CPEB1: variants seen among roughly 807,000 people sequenced by gnomAD.
The protein encoded by CPEB1 is cytoplasmic polyadenylation element-binding protein 1.
In CPEB1, 7 loss-of-function variants were observed where a neutral mutation model predicts 65.8. The ratio of observed to expected loss-of-function variants is 0.11; its 90% CI spans 0.06 to 0.20. The LOEUF is 0.20. Among genes scored for constraint, CPEB1 ranks in the 10% least tolerant of loss-of-function variants. CPEB1 has a pLI of 1.00. For missense variants in CPEB1, 551 were observed against 712.2 expected (o/e 0.77, Z 2.58); for synonymous variants, 262 against 260.0 (o/e 1.01, Z -0.08).
At chr15:82,554,445 T>A (rs1234865596) in intron 6 of CPEB1, among the ~76,000 whole-genome samples, 1 of 152,230 alleles carries the variant, frequency 6.6e-6, no homozygotes, top group African/African-American at 2.4e-5. Flanking sequence ...TCTGTTTCCT[T>A]GTCTTGGCTC....
chr15:82,639,043 C>A (rs1187856288), intron 1 of CPEB1, among the ~76,000 whole-genome samples: 9 of 152,162 alleles, frequency 5.9e-5, no homozygotes, highest in Admixed American at 1.3e-4. Flanking sequence ...TATAAAAATA[C>A]TTCTGACTTT....
chr15:82,567,465 C>T (rs1301310962), intron 4 of CPEB1, among the ~76,000 whole-genome samples: 3 of 151,792 alleles, frequency 2.0e-5, no homozygotes, highest in Admixed American at 6.6e-5. Flanking sequence ...GGTGAAACCC[C>T]GTCTCTACTT....
At chr15:82,560,331 T>C (rs2037978915) in intron 4 of CPEB1, among the ~76,000 whole-genome samples, 1 of 151,926 alleles carries the variant, frequency 6.6e-6, no homozygotes, top group Non-Finnish European at 1.5e-5. Context: ...TGATGAACAG[T>C]GAGGTAACAA....
intron 3 of CPEB1, among the ~76,000 whole-genome samples, chr15:82,583,666 G>C (rs1054121482): frequency 1.4e-5 from 2 of 147,532 alleles, no homozygotes; most frequent in South Asian, 4.2e-4. Flanking sequence ...TTTAACTTCA[G>C]GTACTTCTTA....
chr15:82,647,576 AGGCCGCAGTGCGGCTCGGAGGCCCCACC>A (rs1309488642), upstream of CPEB1: 1 of 316,028 alleles, frequency 3.2e-6, no homozygotes, highest in African/African-American at 2.2e-5. Flanking sequence ...GGCCGCCTGG[AGGCCGCAGTGCGGCTCGGAGGCCCCACC>A]GGCCGCCCCC....
At chr15:82,637,993 G>A in intron 1 of CPEB1, 2 of 453,954 alleles carry the variant, frequency 4.4e-6, no homozygotes, top group Non-Finnish European at 8.9e-6. Context: ...GAGTGGCATT[G>A]ACATTTTTGC....
chr15:82,601,921 C>T (rs1038888818), intron 3 of CPEB1, among the ~76,000 whole-genome samples: 15 of 152,202 alleles, frequency 9.9e-5, no homozygotes, highest in African/African-American at 3.1e-4. Flanking sequence ...GATTTTAACA[C>T]ATTTCTCTTA....
intron 4 of CPEB1, among the ~76,000 whole-genome samples, chr15:82,560,409 T>TG (rs2037997101): frequency 6.6e-6 from 1 of 151,600 alleles, no homozygotes; most frequent in Non-Finnish European, 1.5e-5. Flanking sequence ...TGTTTTTTTT[T>TG]TTTTTTTTGA....
chr15:82,645,757 A>G (rs587596553), intron 1 of CPEB1, among the ~76,000 whole-genome samples: 7 of 152,194 alleles, frequency 4.6e-5, no homozygotes, highest in Middle Eastern at 3.4e-3. Flanking sequence ...AATCCTAGCT[A>G]CACAGGAGGC....
At chr15:82,580,402 A>G (rs1295948902) in intron 3 of CPEB1, among the ~76,000 whole-genome samples, 1 of 152,156 alleles carries the variant, frequency 6.6e-6, no homozygotes, top group Non-Finnish European at 1.5e-5. Context: ...ATATTTTAAA[A>G]TAGATAATAG....
intron 1 of CPEB1, chr15:82,637,957 A>T (rs1360831242): frequency 2.2e-6 from 1 of 452,484 alleles, no homozygotes; most frequent in African/African-American, 2.0e-5. Flanking sequence ...TAACACAATG[A>T]TTTTCCAAGA....
intron 1 of CPEB1, among the ~76,000 whole-genome samples, chr15:82,642,838 T>C (rs1239572424): frequency 6.6e-6 from 1 of 152,206 alleles, no homozygotes; most frequent in Non-Finnish European, 1.5e-5. Context: ...TTTGATCCCA[T>C]GATTCTTTTA....
chr15:82,596,084 T>C (rs2042644126), intron 3 of CPEB1, among the ~76,000 whole-genome samples: 1 of 152,180 alleles, frequency 6.6e-6, no homozygotes, highest in Non-Finnish European at 1.5e-5. Flanking sequence ...AGAGGGCAGA[T>C]GAAGAAAGCA....
Position 82,627,209 on chromosome 15 carries a change from A to T in CPEB1, c.255T>A (p.Ile85=), listed in dbSNP as rs369500861. ...RVCTTPINRG[I]HDHLPDFQDS... ...CTAAATCACCTGGCAAATGATCATG[A>T]ATTCCTCGGTTTATAGGTGTAGTGC... Residue 85 remains isoleucine, a synonymous_variant, in exon 3 of 13, where the codon ATT becomes ATA. Transcript: ENST00000684509. The T allele has an allele frequency of 3.1e-6, 5 of 1,611,102 alleles. No homozygotes were observed. The highest frequency in any genetic ancestry group is 4.2e-6 in the Non-Finnish European group (5 of 1,178,886).
At position 82,636,848 on chromosome 15, in the gene CPEB1, CCTTT is replaced by C. The variant is rs1273141454; in HGVS notation, c.-97-8296_-97-8293del. Among the ~76,000 whole-genome samples the C allele has an allele frequency of 3.3e-5, 5 of 152,266 alleles. No individual in the cohort carries two copies. The South Asian group carries it at 1.0e-3, about 32-fold the overall frequency. On this transcript the variant is annotated intron_variant, in intron 1 of 12. Coordinates refer to ENST00000684509, the MANE Select transcript of CPEB1 (RefSeq NM_001365242.1). ...ATAACCTTCATAAATGGTAGTGACTCCTTTCTTAAGATTTTAGATACATCAAGAG... is the reference window on the plus strand; with the variant it reads ...ATAACCTTCATAAATGGTAGTGACTCCTTAAGATTTTAGATACATCAAGAG...
At chr15:82,610,061 A>C (rs1414113271) in intron 3 of CPEB1, among the ~76,000 whole-genome samples, 1 of 40,148 alleles carries the variant, frequency 2.5e-5, no homozygotes, top group East Asian at 7.3e-4. Context: ...CCTCCGTGGC[A>C]AAAAAAAAAA....
At chr15:82,593,606 C>A (rs1366178241) in intron 3 of CPEB1, among the ~76,000 whole-genome samples, 1 of 152,206 alleles carries the variant, frequency 6.6e-6, no homozygotes, top group Admixed American at 6.5e-5. Flanking sequence ...TTTACCTCCT[C>A]CCATGCATCA....
At chr15:82,574,888 G>A (rs929204432) in intron 3 of CPEB1, among the ~76,000 whole-genome samples, 4 of 152,198 alleles carry the variant, frequency 2.6e-5, no homozygotes, top group Admixed American at 1.3e-4. Context: ...TATTATAAAC[G>A]GAAAATGCAT....
chr15:82,548,652 C>G (rs1404823958), intron 10 of CPEB1: 1 of 452,246 alleles, frequency 2.2e-6, no homozygotes, highest in East Asian at 7.0e-5. Context: ...TGAACCTCTC[C>G]TAGCCCTTAG....
Sources: allele counts gnomAD v4.1 joint callset (sites outside exome capture counted in the v4.1 genomes callset), GRCh38; gene constraint gnomAD v4.1.1; transcripts MANE v1.5; gene names NCBI Gene and HGNC (gene_info 2026-07-23, HGNC 2026-07-21).